CYP24A1: variants seen among roughly 807,000 people sequenced by gnomAD.
The protein encoded by CYP24A1 is cytochrome P450 family 24 subfamily A member 1, also known as 1,25-dihydroxyvitamin D(3) 24-hydroxylase, mitochondrial.
A neutral mutation model predicts 62.4 loss-of-function variants in CYP24A1; 68 were observed. The observed-to-expected ratio is 1.09, with a 90% CI of 0.90 to 1.33. CYP24A1 has a LOEUF of 1.33. Ranked by LOEUF, CYP24A1 falls within the 40% of genes most tolerant of loss-of-function variation. The pLI, the probability that CYP24A1 is intolerant of heterozygous loss-of-function variation, is 0.00. For missense variants in CYP24A1, 787 were observed against 653.0 expected (o/e 1.21, Z -2.24); for synonymous variants, 267 against 253.0 (o/e 1.06, Z -0.52).
At chr20:54,151,095 A>G (rs962577397), downstream of CYP24A1, among the ~76,000 whole-genome samples, 10 of 144,938 alleles carry the variant, frequency 6.9e-5, no homozygotes, top group African/African-American at 2.4e-4. Flanking sequence ...CACAGGAAGA[A>G]CAGTAGCATG....
At chr20:54,162,519 A>G in intron 7 of CYP24A1, 198 bp downstream of exon 7, 1 of 589,790 alleles carries the variant, frequency 1.7e-6, no homozygotes, top group Non-Finnish European at 3.1e-6. Flanking sequence ...GTCTGGTATG[A>G]GGCCGTGCGC....
downstream of CYP24A1, among the ~76,000 whole-genome samples, chr20:54,153,215 G>C (rs2092615645): frequency 6.6e-6 from 1 of 152,180 alleles, no homozygotes; most frequent in Non-Finnish European, 1.5e-5. Flanking sequence ...AGGGGGTAGA[G>C]ATAGAAGTAA....
chr20:54,159,546 C>T (rs573977364), intron 7 of CYP24A1, among the ~76,000 whole-genome samples: 23 of 152,222 alleles, frequency 1.5e-4, no homozygotes, highest in African/African-American at 2.2e-4. Context: ...AGGCATCCAC[C>T]ACCATGCCTG....
intron 4 of CYP24A1, among the ~76,000 whole-genome samples, chr20:54,168,722 T>C (rs974321998): frequency 1.3e-5 from 2 of 151,018 alleles, no homozygotes; most frequent in East Asian, 3.9e-4. Flanking sequence ...CTTTCCTTTC[T>C]CTTTTTCTTT....
rs1474254624 is a variant in CYP24A1 at position 54,154,762 on chromosome 20, C to A, written c.*11-1G>T. 1 of 152,510 alleles carries A rather than the reference C, an allele frequency of 6.6e-6. No individual in the cohort carries two copies. Among genetic ancestry groups the A allele is most frequent in the Non-Finnish European group, 1.5e-5 (1 of 68,336 alleles). The allele number at this position is 152,510 out of a possible 1,614,324, so 9.4% of individuals were successfully genotyped here. On this transcript the variant is annotated splice_acceptor_variant, in intron 11 of 11. Coordinates refer to ENST00000216862, the MANE Select transcript of CYP24A1 (RefSeq NM_000782.5). LOFTEE classifies it low-confidence loss of function (3UTR_SPLICE). ...ATATGATGTTAGCAAATACCACCATCTAGAAAGACAGTACAGCTTCTGGAA... is the reference window on the plus strand; with the variant it reads ...ATATGATGTTAGCAAATACCACCATATAGAAAGACAGTACAGCTTCTGGAA...
chr20:54,148,340 TTCTC>T, the CYP24A1 span, among the ~76,000 whole-genome samples: 1 of 146,424 alleles, frequency 6.8e-6, no homozygotes, highest in Non-Finnish European at 1.5e-5. Context: ...GTCCTTCTTT[TTCTC>T]TCTTTCTACA....
chr20:54,164,774 G>T (rs920422880), intron 5 of CYP24A1, among the ~76,000 whole-genome samples: 1 of 151,334 alleles, frequency 6.6e-6, no homozygotes, highest in Non-Finnish European at 1.5e-5. Flanking sequence ...TAATGTGGGG[G>T]ATGATTTTCC....
At chr20:54,168,149 G>A (rs1170138934) in intron 4 of CYP24A1, among the ~76,000 whole-genome samples, 11 of 152,066 alleles carry the variant, frequency 7.2e-5, no homozygotes, top group Admixed American at 2.0e-4. Flanking sequence ...TCTGTGAAGC[G>A]ACCCCTGGCC....
intron 3 of CYP24A1, among the ~76,000 whole-genome samples, chr20:54,170,465 G>A (rs184023390): frequency 1.3e-5 from 2 of 152,254 alleles, no homozygotes; most frequent in African/African-American, 2.4e-5. Flanking sequence ...GGACCCTGCC[G>A]TGAGCTGGTG....
chr20:54,167,357 C>T (rs1199438980), intron 4 of CYP24A1, among the ~76,000 whole-genome samples: 1 of 152,190 alleles, frequency 6.6e-6, no homozygotes, highest in East Asian at 1.9e-4. Flanking sequence ...TAATTAGTTA[C>T]TCTGCTGGGC....
In CYP24A1 at chr20:54,165,668, C is replaced by T. The variant is rs1343666579; in HGVS notation, c.732+74G>A. On this transcript the variant is annotated intron_variant, in intron 5 of 11. Transcript: ENST00000216862. ...TGTGTGTATGCCATTTTTTGGGAAT[C>T]ACTGTGAAGTTCTGTAAAAATCGAT... 5 of 868,202 alleles carry T rather than the reference C, an allele frequency of 5.8e-6. No individual in the cohort carries two copies. In the East Asian group the frequency reaches 1.2e-4, roughly 21 times the overall value. The allele number at this position is 868,202 out of a possible 1,614,324, so 53.8% of individuals were successfully genotyped here.
At chr20:54,165,069 A>G (rs2092666487) in intron 5 of CYP24A1, among the ~76,000 whole-genome samples, 1 of 152,226 alleles carries the variant, frequency 6.6e-6, no homozygotes, top group Non-Finnish European at 1.5e-5. Context: ...GAAATAATGG[A>G]TTTAATGTGC....
chr20:54,171,718 AG>A, intron 2 of CYP24A1, 48 bp from the exon 3 acceptor site: 7 of 1,614,046 alleles, frequency 4.3e-6, no homozygotes, highest in Non-Finnish European at 5.9e-6. Context: ...AAAGAAAAGA[AG>A]GAGATGCAGA....
At chr20:54,149,039 C>T (rs1364283820), downstream of CYP24A1, among the ~76,000 whole-genome samples, 2 of 152,276 alleles carry the variant, frequency 1.3e-5, no homozygotes, top group Admixed American at 6.5e-5. Flanking sequence ...ATACAGATGG[C>T]GTAAGAGCAG....
intron 3 of CYP24A1, 112 bp from the exon 4 acceptor site, chr20:54,169,800 A>C (rs1009679480): frequency 4.5e-6 from 7 of 1,552,494 alleles, no homozygotes; most frequent in Non-Finnish European, 6.1e-6. Flanking sequence ...TTCACTGGCC[A>C]TAATGTTATT....
chr20:54,160,353 T>A (rs751088), intron 7 of CYP24A1, among the ~76,000 whole-genome samples: 28,328 of 152,290 alleles, frequency 0.19, 2,768 homozygotes, highest in South Asian at 0.3. Flanking sequence ...AGTAGTCATA[T>A]GTATTTATTT....
In CYP24A1 at chr20:54,164,458, T is replaced by C. The variant is rs1276492890; in HGVS notation, c.838A>G (p.Lys280Glu). The C allele has an allele frequency of 1.2e-6, 2 of 1,614,006 alleles. No individual in the cohort carries two copies. Among genetic ancestry groups the C allele is most frequent in the Non-Finnish European group, 1.7e-6 (2 of 1,180,022 alleles). Residue 280 changes from lysine to glutamate, a missense_variant, in exon 6 of 12, where the codon AAA becomes GAA. Lys to Glu is a moderately conservative substitution (Grantham distance 56, BLOSUM62 1). Coordinates refer to ENST00000216862, the MANE Select transcript of CYP24A1 (RefSeq NM_000782.5). ...DHTLAWDTIFKSVKACIDNRL... is the reference protein window; with the variant it reads ...DHTLAWDTIFESVKACIDNRL... The stretch of plus-strand genomic sequence containing the variant: ...GTGAAGGGCGGCCCTTTACCTGATT[T>C]GAAAATGGTGTCCCAGGCCAGAGTG...
chr20:54,169,124 C>T (rs529435418), intron 4 of CYP24A1, among the ~76,000 whole-genome samples: 53 of 151,874 alleles, frequency 3.5e-4, no homozygotes, highest in Admixed American at 1.2e-3. Flanking sequence ...TCTCAGATTC[C>T]TGGGCTGGCC....
intron 6 of CYP24A1, 51 bp downstream of exon 6, chr20:54,164,401 A>G: frequency 6.2e-7 from 1 of 1,613,544 alleles, no homozygotes; most frequent in Non-Finnish European, 8.5e-7. Flanking sequence ...GAAGCTCCAG[A>G]CACGGGGGTG....
Sources: gnomAD v4.1 joint callset for allele counts (sites outside exome capture counted in the v4.1 genomes callset) on GRCh38, gnomAD v4.1.1 for gene constraint, MANE v1.5 for transcripts, NCBI Gene and HGNC (gene_info 2026-07-23, HGNC 2026-07-21) for gene names.